The following EPHX2 variants were observed in gnomAD, a reference collection of about 807,000 sequenced individuals.
EPHX2 encodes bifunctional epoxide hydrolase 2.
In EPHX2, 74 loss-of-function variants were observed where a neutral mutation model predicts 78.7. That is an observed-to-expected ratio of 0.94 (90% confidence interval 0.78 to 1.14). The LOEUF is 1.14. EPHX2 is among the 50% of genes most tolerant of loss of function. EPHX2 has a pLI of 0.00. For synonymous variants in EPHX2, 251 were observed against 255.2 expected (o/e 0.98, Z 0.16); for missense variants, 715 against 702.5 (o/e 1.02, Z -0.20).
chr8:27,505,900 C>T (rs547480043), intron 4 of EPHX2, among the ~76,000 whole-genome samples: 1 of 152,282 alleles, frequency 6.6e-6, no homozygotes, highest in African/African-American at 2.4e-5. Flanking sequence ...TCTAGACTTC[C>T]CTTGTCCAAG....
chr8:27,547,651 C>T (rs977544096), downstream of EPHX2, among the ~76,000 whole-genome samples: 3 of 152,174 alleles, frequency 2.0e-5, no homozygotes, highest in Admixed American at 6.5e-5. Flanking sequence ...CTAGAACTTA[C>T]TCCTCCCATC....
Position 27,525,461 on chromosome 8 carries a change from C to T in EPHX2, c.1158C>T (p.Tyr386=). The T allele has an allele frequency of 6.2e-7, 1 of 1,613,870 alleles. No homozygotes were observed. Among genetic ancestry groups the T allele is most frequent in the Middle Eastern group, 1.7e-4 (1 of 6,058 alleles). ...KANPVFDYQL[Y]FQEPGVAEAE... ...ACCCAGTATTTGATTACCAGCTCTACTTCCAAGAACCAGTAAGTATGGCAC... is the reference window on the plus strand; with the variant it reads ...ACCCAGTATTTGATTACCAGCTCTATTTCCAAGAACCAGTAAGTATGGCAC... Residue 386 remains tyrosine, a synonymous_variant, in exon 12 of 19, where the codon TAC becomes TAT. Transcript: ENST00000521400.
At chr8:27,491,360 G>T in intron 1 of EPHX2, 51 bp downstream of exon 1, 3 of 1,323,566 alleles carry the variant, frequency 2.3e-6, no homozygotes, top group Non-Finnish European at 3.0e-6. Flanking sequence ...TCAGGAGGCA[G>T]ACCGCGCTGG....
chr8:27,519,577 G>A (rs1443259108), intron 9 of EPHX2, among the ~76,000 whole-genome samples: 1 of 152,228 alleles, frequency 6.6e-6, no homozygotes, highest in Non-Finnish European at 1.5e-5. Flanking sequence ...CACTGTGCGT[G>A]TTTGGAGTCA....
intron 1 of EPHX2, among the ~76,000 whole-genome samples, chr8:27,496,052 A>T (rs1379653072): frequency 6.6e-6 from 1 of 152,122 alleles, no homozygotes; most frequent in East Asian, 1.9e-4. Flanking sequence ...AGGAACCCCC[A>T]CAACTGTTTT....
intron 6 of EPHX2, among the ~76,000 whole-genome samples, chr8:27,513,391 GT>G (rs1563348067): frequency 6.6e-6 from 1 of 152,176 alleles, no homozygotes; most frequent in African/African-American, 2.4e-5. Context: ...GGGCTGGATT[GT>G]AACCGTGGAC....
intron 4 of EPHX2, among the ~76,000 whole-genome samples, chr8:27,506,177 G>A (rs963457232): frequency 2.0e-5 from 3 of 151,918 alleles, no homozygotes; most frequent in South Asian, 2.1e-4. Context: ...CTGTTGTAAC[G>A]GGGGTCTCAC....
intron 11 of EPHX2, 100 bp downstream of exon 11, chr8:27,522,608 C>T (rs1475362472): frequency 8.4e-7 from 1 of 1,186,446 alleles, no homozygotes; most frequent in Non-Finnish European, 1.2e-6. Flanking sequence ...TTCTCAAAAA[C>T]AAGTAGGTAG....
intron 9 of EPHX2, among the ~76,000 whole-genome samples, chr8:27,519,483 C>T (rs189750664): frequency 6.6e-6 from 1 of 152,210 alleles, no homozygotes; most frequent in Non-Finnish European, 1.5e-5. Context: ...GTCTTCCGTC[C>T]CCCTCCAGTA....
In EPHX2 at chr8:27,504,982, A is replaced by G; in HGVS notation, c.373A>G (p.Thr125Ala). The change falls in exon 4 of 19, where the codon ACC (threonine) becomes GCC (alanine). Residue 125 changes from threonine (T) to alanine (A), a missense_variant. Thr to Ala is a moderately conservative substitution (Grantham distance 58). Coordinates refer to ENST00000521400, the MANE Select transcript of EPHX2 (RefSeq NM_001979.6). Reference sequence around the variant, plus strand: ...ATTCACTACTGCCATCCTCACCAACACCTGGCTGGACGACCGTGCTGAGAG... The same window carrying G: ...ATTCACTACTGCCATCCTCACCAACGCCTGGCTGGACGACCGTGCTGAGAG... ...KGFTTAILTN[T>A]WLDDRAERDG... 6.2e-7 allele frequency: 1 copy of G among 1,614,034 alleles called. No homozygotes were observed. Among genetic ancestry groups the G allele is most frequent in the Non-Finnish European group, 8.5e-7 (1 of 1,180,008 alleles).
At chr8:27,543,953 C>A in intron 17 of EPHX2, 124 bp downstream of exon 17, 1 of 1,035,600 alleles carries the variant, frequency 9.7e-7, no homozygotes, top group East Asian at 2.5e-5. Flanking sequence ...TGAAGCACAT[C>A]ATCAGTAACA....
At chr8:27,535,207 G>A (rs1189150267) in intron 12 of EPHX2, among the ~76,000 whole-genome samples, 4 of 152,032 alleles carry the variant, frequency 2.6e-5, no homozygotes, top group South Asian at 4.2e-4. Flanking sequence ...ACAGAGTTTC[G>A]CTCTTTTTGC....
chr8:27,536,740 C>T (rs72477506), intron 12 of EPHX2, 44 bp from the exon 13 acceptor site: 86,548 of 1,609,284 alleles, frequency 0.054, 2,668 homozygotes, highest in Non-Finnish European at 0.064. Flanking sequence ...ACAGTTTCCA[C>T]GATTTCTAGG....
At chr8:27,501,340 TTCTTCTTCTTCTTCTTCTTCTTC>T (rs1329492584) in intron 2 of EPHX2, among the ~76,000 whole-genome samples, 3 of 109,162 alleles carry the variant, frequency 2.7e-5, no homozygotes, top group African/African-American at 1.2e-4. Context: ...CTTCTTCTTC[TTCTTCTTCTTCTTCTTCTTCTTC>T]TTCTTCTTCT....
chr8:27,529,982 GA>G (rs988411065), intron 12 of EPHX2, among the ~76,000 whole-genome samples: 1 of 151,714 alleles, frequency 6.6e-6, no homozygotes, highest in Non-Finnish European at 1.5e-5. Context: ...TGTGGGAAAA[GA>G]AAAATTGTAG....
intron 17 of EPHX2, 81 bp from the exon 18 acceptor site, chr8:27,544,105 C>A: frequency 6.6e-7 from 1 of 1,506,114 alleles, no homozygotes; most frequent in Non-Finnish European, 9.2e-7. Context: ...AGAGAGAAGG[C>A]GTCCATTGCC....
At chr8:27,525,275 T>A (rs1814803440) in intron 11 of EPHX2, 87 bp from the exon 12 acceptor site, 1 of 1,170,840 alleles carries the variant, frequency 8.5e-7, no homozygotes, top group Non-Finnish European at 1.3e-6. Context: ...CACTCTGAGC[T>A]TCAGTTTTGA....
At position 27,544,506 on chromosome 8, in the gene EPHX2, T is replaced by G. The variant is rs1585228792; in HGVS notation, c.1652T>G (p.Val551Gly). Residue 551 changes from valine (V) to glycine (G), a missense_variant, in exon 19 of 19, where the codon GTG becomes GGG. Val to Gly is a moderately radical substitution (Grantham distance 109). Coordinates refer to ENST00000521400, the MANE Select transcript of EPHX2 (RefSeq NM_001979.6). ...WLDSDARNPP[V>G]VSKM ...GATTCTGATGCCCGGAACCCACCGG[T>G]GGTCTCAAAGATGTAGAACGCAGCG... is the stretch of plus-strand genomic sequence containing the variant. 1.2e-6 allele frequency: 2 copies of G among 1,613,854 alleles called. No homozygotes were observed. Among genetic ancestry groups the G allele is most frequent in the Non-Finnish European group, 1.7e-6 (2 of 1,180,008 alleles).
At chr8:27,500,407 A>T (rs1014804046) in intron 1 of EPHX2, among the ~76,000 whole-genome samples, 1 of 152,084 alleles carries the variant, frequency 6.6e-6, no homozygotes, top group African/African-American at 2.4e-5. Context: ...TTTATAAATT[A>T]CCCGATCTGA....
Sources: gnomAD v4.1 joint callset for allele counts (sites outside exome capture counted in the v4.1 genomes callset) on GRCh38, gnomAD v4.1.1 for gene constraint, MANE v1.5 for transcripts, NCBI Gene and HGNC (gene_info 2026-07-23, HGNC 2026-07-21) for gene names.